FAM89A: variants seen among roughly 807,000 people sequenced by gnomAD.
FAM89A encodes protein FAM89A.
A neutral mutation model predicts 7.1 loss-of-function variants in FAM89A; 10 were observed. The ratio of observed to expected loss-of-function variants is 1.40; its 90% confidence interval spans 0.86 to 2.38. FAM89A has a LOEUF of 2.38. Among genes scored for constraint, FAM89A ranks in the 30% most tolerant of loss-of-function variants. FAM89A has a pLI of 0.00. For missense variants in FAM89A, 276 were observed against 262.8 expected, an observed-to-expected ratio of 1.05 and a Z score of -0.35; for synonymous variants, 157 against 129.3, an observed-to-expected ratio of 1.21 and a Z score of -1.45.
At chr1:231,028,633 G>C (rs1680012627) in intron 1 of FAM89A, 1 of 152,184 alleles carries the variant, frequency 6.6e-6, no homozygotes, top group South Asian at 2.1e-4. Flanking sequence ...TGAAAATGCA[G>C]ACAGGCTCAT....
intron 1 of FAM89A, among the ~76,000 whole-genome samples, chr1:231,034,112 TCTTCCTTTTCTG>T (rs1352619975): frequency 1.3e-5 from 2 of 152,216 alleles, no homozygotes; most frequent in Non-Finnish European, 2.9e-5. Context: ...CTTGTACCTT[TCTTCCTTTTCTG>T]CTTCCCATTC....
intron 1 of FAM89A, among the ~76,000 whole-genome samples, chr1:231,038,829 G>A (rs1680200959): frequency 6.6e-6 from 1 of 152,114 alleles, no homozygotes; most frequent in African/African-American, 2.4e-5. Flanking sequence ...TATCTTAAAT[G>A]CACTAGATAC....
At chr1:231,022,998 T>C (rs1488183988) in intron 1 of FAM89A, among the ~76,000 whole-genome samples, 2 of 152,138 alleles carry the variant, frequency 1.3e-5, no homozygotes, top group African/African-American at 4.8e-5. Flanking sequence ...CATGTTTGGG[T>C]GTCCTCTCTT....
intron 1 of FAM89A, chr1:231,026,588 T>TGTAATTACTGTAA (rs1679976626): frequency 6.6e-6 from 1 of 152,246 alleles, no homozygotes; most frequent in Admixed American, 6.5e-5. Context: ...GGTCATTTAC[T>TGTAATTACTGTAA]TTCCACCACC....
chr1:231,036,852 C>T (rs1680163542), intron 1 of FAM89A, among the ~76,000 whole-genome samples: 2 of 152,214 alleles, frequency 1.3e-5, no homozygotes, highest in South Asian at 2.1e-4. Flanking sequence ...TTACCTTCCT[C>T]CCTAAAGCAG....
chr1:231,019,834 C>T lies in FAM89A; in HGVS notation c.*29G>A. ...ACAGCGTGTCCAGTAGGAAGGGCTT[C>T]CCAACAGTCACATCCCTCCCAAGAC... On this transcript the variant is annotated 3_prime_UTR_variant, in exon 2 of 2. Coordinates refer to ENST00000366654, the MANE Select transcript of FAM89A (RefSeq NM_198552.3). 6.3e-7 allele frequency: 1 copy of T among 1,599,748 alleles called. No homozygotes were observed. Among genetic ancestry groups the T allele is most frequent in the Non-Finnish European group, 8.5e-7 (1 of 1,170,240 alleles).
chr1:231,025,067 C>A (rs576908104), intron 1 of FAM89A, among the ~76,000 whole-genome samples: 1 of 151,938 alleles, frequency 6.6e-6, no homozygotes, highest in Non-Finnish European at 1.5e-5. Flanking sequence ...GGACTACAGG[C>A]GCTCGCCACT....
intron 1 of FAM89A, among the ~76,000 whole-genome samples, chr1:231,032,175 T>C (rs1245401314): frequency 1.3e-5 from 2 of 152,246 alleles, no homozygotes; most frequent in African/African-American, 4.8e-5. Flanking sequence ...TGCAAACATT[T>C]TACATCCCTT....
chr1:231,039,856 C>G (rs1178806405), intron 1 of FAM89A, 65 bp downstream of exon 1: 1 of 1,268,246 alleles, frequency 7.9e-7, no homozygotes, highest in Non-Finnish European at 9.9e-7. Flanking sequence ...AGCGCGGTCC[C>G]CGCGAACTTT....
chr1:231,023,319 T>C (rs1179942282), intron 1 of FAM89A, among the ~76,000 whole-genome samples: 2 of 152,328 alleles, frequency 1.3e-5, no homozygotes, highest in East Asian at 3.9e-4. Flanking sequence ...GGACAACCTC[T>C]CCTTCACTCC....
At position 231,023,220 on chromosome 1, in the gene FAM89A, G is replaced by A. The variant is rs192588205; in HGVS notation, c.292-3094C>T. The stretch of plus-strand genomic sequence containing the variant: ...TGGCTTTCTCATCCTTCCCAACCCC[G>A]TGCCGTTTATTTCAGAAGCCCACTG... On this transcript the variant is annotated intron_variant, in intron 1 of 1. Coordinates refer to ENST00000366654, the MANE Select transcript of FAM89A (RefSeq NM_198552.3). Among the ~76,000 whole-genome samples, 37 of 152,206 alleles carry A rather than the reference G, an allele frequency of 2.4e-4. No individual in the cohort carries two copies. The East Asian group carries it at 5.8e-3, about 24-fold the overall frequency.
intron 1 of FAM89A, among the ~76,000 whole-genome samples, chr1:231,034,282 G>T (rs1246710850): frequency 4.6e-5 from 7 of 152,164 alleles, no homozygotes; most frequent in Non-Finnish European, 7.3e-5. Flanking sequence ...AAGAACCATA[G>T]AGGCATGAGG....
At position 231,019,754 on chromosome 1, in the gene FAM89A, C is replaced by A; in HGVS notation, c.*109G>T. ...AAACTGGTAGCGCTCATCCCCTGTG[C>A]CCGAGGACCGTCCACAACGGAGGTG... On this transcript the variant is annotated 3_prime_UTR_variant, in exon 2 of 2. Coordinates refer to ENST00000366654, the MANE Select transcript of FAM89A (RefSeq NM_198552.3). 1 of 1,251,170 alleles carries A rather than the reference C, an allele frequency of 8.0e-7. No individual in the cohort carries two copies. Among genetic ancestry groups the A allele is most frequent in the Non-Finnish European group, 1.1e-6 (1 of 902,510 alleles). 77.5% of individuals were successfully genotyped at this position (1,251,170 alleles called of 1,614,324 possible). A position where few individuals can be genotyped will look rare whatever the true frequency, so the allele number is the denominator to read the frequency against.
At chr1:231,030,817 T>A (rs1484731302) in intron 1 of FAM89A, among the ~76,000 whole-genome samples, 1 of 152,280 alleles carries the variant, frequency 6.6e-6, no homozygotes, top group Non-Finnish European at 1.5e-5. Flanking sequence ...TGAGAAAATT[T>A]AAAAGTCACC....
chr1:231,027,654 TA>T (rs138553248), intron 1 of FAM89A, among the ~76,000 whole-genome samples: 7,208 of 152,224 alleles, frequency 0.047, 205 homozygotes, highest in Middle Eastern at 0.1. Flanking sequence ...CAGCGACACT[TA>T]ACATTTTCTA....
chr1:231,037,773 T>C (rs1353176640), intron 1 of FAM89A, among the ~76,000 whole-genome samples: 1 of 152,148 alleles, frequency 6.6e-6, no homozygotes, highest in Non-Finnish European at 1.5e-5. Flanking sequence ...CCTCTTTCCC[T>C]TGTCGAAATT....
At chr1:231,021,960 G>A in intron 1 of FAM89A, 11 of 1,401,084 alleles carry the variant, frequency 7.9e-6, no homozygotes, top group Non-Finnish European at 1.1e-5. Context: ...AGAAACACCA[G>A]GGATGAGGGC....
chr1:231,023,450 T>G (rs770704729), intron 1 of FAM89A, among the ~76,000 whole-genome samples: 2 of 152,168 alleles, frequency 1.3e-5, no homozygotes, highest in African/African-American at 4.8e-5. Flanking sequence ...ATGCCTCCTC[T>G]TCCGCTGCCC....
At chr1:231,032,914 G>C (rs1027719261) in intron 1 of FAM89A, among the ~76,000 whole-genome samples, 1 of 152,178 alleles carries the variant, frequency 6.6e-6, no homozygotes, top group Admixed American at 6.5e-5. Flanking sequence ...GAATCCTTGA[G>C]ACTCAGAAAG....
Sources: gnomAD v4.1 joint callset for allele counts (sites outside exome capture counted in the v4.1 genomes callset) on GRCh38, gnomAD v4.1.1 for gene constraint, MANE v1.5 for transcripts, NCBI Gene and HGNC (gene_info 2026-07-23, HGNC 2026-07-21) for gene names.